GFPT2: variants seen among roughly 807,000 people sequenced by gnomAD.
GFPT2 encodes the protein glutamine--fructose-6-phosphate aminotransferase [isomerizing] 2.
A neutral mutation model predicts 85.6 loss-of-function variants in GFPT2; 62 were observed. The ratio of observed to expected loss-of-function variants is 0.72; its 90% CI spans 0.59 to 0.90. GFPT2 has a LOEUF of 0.90. Ranked by LOEUF, GFPT2 falls within the 40% of genes least tolerant of loss-of-function variation. The pLI is 0.00. For synonymous variants in GFPT2, 368 were observed against 344.5 expected (o/e 1.07, Z -0.75); for missense variants, 788 against 893.4 (o/e 0.88, Z 1.50).
chr5:180,348,368 C>T (rs968601151), intron 1 of GFPT2, among the ~76,000 whole-genome samples: 1 of 152,230 alleles, frequency 6.6e-6, no homozygotes, highest in Non-Finnish European at 1.5e-5. Flanking sequence ...GTCCCCTGGG[C>T]CTTGGGCAAG....
chr5:180,343,698 A>G (rs1440273481), intron 1 of GFPT2, among the ~76,000 whole-genome samples: 1 of 152,256 alleles, frequency 6.6e-6, no homozygotes, highest in Non-Finnish European at 1.5e-5. Flanking sequence ...AACACAGAAT[A>G]AAATGAAGCT....
In GFPT2 at chr5:180,353,283, CCG is replaced by C. The variant is rs1764754359; in HGVS notation, c.-68_-67del. ...TGCCCGTTCGGACGCTGGGGCTCCT[CCG>C]TGGGCTCCTCCGTGGGCTCCGTGGG... On this transcript the variant is annotated 5_prime_UTR_variant, in exon 1 of 19. Coordinates refer to ENST00000253778, the MANE Select transcript of GFPT2 (RefSeq NM_005110.4). The C allele has an allele frequency of 2.5e-6, 3 of 1,198,694 alleles. No individual in the cohort carries two copies. The highest frequency in any genetic ancestry group is 8.6e-5 in the Admixed American group (2 of 23,142). The allele number at this position is 1,198,694 out of a possible 1,614,324, so 74.3% of individuals were successfully genotyped here.
At chr5:180,347,325 A>C (rs1303699977) in intron 1 of GFPT2, among the ~76,000 whole-genome samples, 1 of 152,230 alleles carries the variant, frequency 6.6e-6, no homozygotes, top group Non-Finnish European at 1.5e-5. Flanking sequence ...GGCTTGGAGA[A>C]AGGCCCGGCC....
At chr5:180,352,587 A>G (rs1764733787) in intron 1 of GFPT2, 1 of 449,068 alleles carries the variant, frequency 2.2e-6, no homozygotes, top group Non-Finnish European at 4.4e-6. Context: ...AGGTTCGGGC[A>G]GTGACTGCCT....
At chr5:180,306,358 G>A (rs989758226) in intron 16 of GFPT2, among the ~76,000 whole-genome samples, 2 of 152,208 alleles carry the variant, frequency 1.3e-5, no homozygotes, top group Non-Finnish European at 2.9e-5. Context: ...CACGGTTAAT[G>A]CCCTCGTCTT....
At chr5:180,349,875 A>AT (rs1764677852) in intron 1 of GFPT2, among the ~76,000 whole-genome samples, 1 of 146,304 alleles carries the variant, frequency 6.8e-6, no homozygotes, top group South Asian at 2.2e-4. Context: ...CTTCACAGTG[A>AT]TTGTTTTTTT....
At chr5:180,335,259 G>T (rs1050070720) in intron 4 of GFPT2, among the ~76,000 whole-genome samples, 1 of 152,214 alleles carries the variant, frequency 6.6e-6, no homozygotes, top group African/African-American at 2.4e-5. Context: ...TCTCCACCTG[G>T]GAAGAGCCCC....
At chr5:180,306,592 G>A (rs1763782475) in intron 16 of GFPT2, among the ~76,000 whole-genome samples, 1 of 152,152 alleles carries the variant, frequency 6.6e-6, no homozygotes, top group Admixed American at 6.5e-5. Flanking sequence ...GGGGGCAAAT[G>A]GCCTGTCACC....
chr5:180,311,061 G>C (rs1763871636), intron 15 of GFPT2, among the ~76,000 whole-genome samples: 3 of 152,160 alleles, frequency 2.0e-5, no homozygotes. Flanking sequence ...GTCTCGGCCA[G>C]TGTCAGGCCC....
At position 180,324,278 on chromosome 5, in the gene GFPT2, C is replaced by T. The variant is rs1764171794; in HGVS notation, c.704G>A (p.Cys235Tyr). The change falls in exon 9 of 19, where the codon TGT becomes TAT. Residue 235 changes from cysteine to tyrosine, a missense_variant. Transcript: ENST00000253778. ...TCTLENVKNI[C>Y]KTRMKRLDSS... ...GTCCAGCCTCTTCATCCGTGTCTTA[C>T]AGATATTCTTCACATTCTCCAGAGT... 5.6e-6 allele frequency: 9 copies of T among 1,607,962 alleles called. No homozygotes were observed. In the East Asian group the frequency reaches 1.8e-4, roughly 32 times the overall value.
rs1763898324 is a variant in GFPT2 at position 180,312,027 on chromosome 5, CGGGG to C, written c.1546+399_1546+402del. Among the ~76,000 whole-genome samples the C allele has an allele frequency of 4.8e-5, 3 of 62,094 alleles. 1 individual carries two copies. The highest frequency in any genetic ancestry group is 3.6e-4 in the Admixed American group (2 of 5,596). 40.7% of individuals were successfully genotyped at this position (62,094 alleles called of 152,430 possible). ...GCTGAGGGGCAGGGAGGCAGGGAGG[CGGGG>C]AGGTGGGGAGGCTGAGGGGCAGGGA... On this transcript the variant is annotated intron_variant, in intron 15 of 18. Transcript: ENST00000253778.
chr5:180,313,074 G>A (rs114149404), intron 14 of GFPT2, among the ~76,000 whole-genome samples: 1 of 151,744 alleles, frequency 6.6e-6, no homozygotes, highest in Non-Finnish European at 1.5e-5. Flanking sequence ...TCCGCACCTG[G>A]CCTAAGTTTT....
rs774291175 is a variant in GFPT2, at chr5:180,352,643, G to T, written c.7+568C>A. ...GTAACGCGGCAGCGACCCTTCTAGGGACCAGACGTTCCTTTGGGGTCGCGA... is the reference window on the plus strand; with the variant it reads ...GTAACGCGGCAGCGACCCTTCTAGGTACCAGACGTTCCTTTGGGGTCGCGA... On this transcript the variant is annotated intron_variant, in intron 1 of 18. Transcript: ENST00000253778. 3.1e-4 allele frequency: 138 copies of T among 443,786 alleles called. 1 individual carries two copies. Among genetic ancestry groups the T allele is most frequent in the South Asian group, 6.4e-4 (41 of 63,746 alleles). 27.5% of individuals were successfully genotyped at this position (443,786 alleles called of 1,614,324 possible).
At chr5:180,312,180 T>A (rs1356706746) in intron 15 of GFPT2, among the ~76,000 whole-genome samples, 1 of 33,326 alleles carries the variant, frequency 3.0e-5, no homozygotes, top group Non-Finnish European at 5.6e-5. Flanking sequence ...GCAGGGAGGC[T>A]GAGGACCAGG....
chr5:180,324,097 A>T, intron 9 of GFPT2, 91 bp downstream of exon 9: 1 of 779,770 alleles, frequency 1.3e-6, no homozygotes, highest in Non-Finnish European at 2.2e-6. Context: ...ACGATAGCTC[A>T]CATGGAAGGA....
intron 10 of GFPT2, among the ~76,000 whole-genome samples, chr5:180,317,880 T>C (rs1382915323): frequency 2.0e-5 from 3 of 151,998 alleles, no homozygotes; most frequent in East Asian, 3.9e-4. Context: ...CTGCACCTGA[T>C]GCTCTGGAGG....
At chr5:180,311,317 G>A (rs1236965673) in intron 15 of GFPT2, among the ~76,000 whole-genome samples, 1 of 152,268 alleles carries the variant, frequency 6.6e-6, no homozygotes, top group Non-Finnish European at 1.5e-5. Context: ...GTGACTGAAG[G>A]AGGTGAGCTG....
At chr5:180,311,789 C>T (rs547656531) in intron 15 of GFPT2, among the ~76,000 whole-genome samples, 105 of 152,164 alleles carry the variant, frequency 6.9e-4, no homozygotes, top group African/African-American at 2.4e-3. Context: ...GGCGTCGGGG[C>T]CTCTGTGAGC....
intron 7 of GFPT2, among the ~76,000 whole-genome samples, chr5:180,325,907 C>A (rs1764203489): frequency 6.6e-6 from 1 of 152,154 alleles, no homozygotes. Flanking sequence ...TGCCTGTAAT[C>A]CCAGCTACTC....
Sources: allele counts gnomAD v4.1 joint callset (sites outside exome capture counted in the v4.1 genomes callset), GRCh38; gene constraint gnomAD v4.1.1; transcripts MANE v1.5; gene names NCBI Gene and HGNC (gene_info 2026-07-23, HGNC 2026-07-21).